Variants in BLM observed in about 807,000 individuals in gnomAD.
BLM encodes the protein BLM RecQ like helicase.
BLM carries 95 observed loss-of-function variants against 135.3 expected under a neutral mutation model. That is an observed-to-expected ratio of 0.70 (90% CI 0.59 to 0.83). The LOEUF is 0.83. Ranked by LOEUF, BLM falls within the 40% of genes least tolerant of loss-of-function variation. The pLI, the probability that BLM is intolerant of heterozygous loss-of-function variation, is 0.00. For missense variants in BLM, 1,518 were observed against 1,663.9 expected (o/e 0.91, Z 1.53); for synonymous variants, 520 against 589.2 (o/e 0.88, Z 1.70).
intron 19 of BLM, among the ~76,000 whole-genome samples, chr15:90,806,396 G>A (rs113043713): frequency 0.016 from 2,470 of 151,968 alleles, 24 homozygotes; most frequent in Middle Eastern, 0.027. Context: ...TTGTAATCCC[G>A]GCTACTTGGG....
Position 90,769,429 on chromosome 15 carries a change from TC to T in BLM, c.2407-7del, listed in dbSNP as rs769184675. The T allele has an allele frequency of 1.3e-5, 21 of 1,614,044 alleles. No individual in the cohort carries two copies. In the African/African-American group the frequency reaches 2.7e-4, roughly 21 times the overall value. On this transcript the variant is annotated splice_polypyrimidine_tract_variant and splice_region_variant and intron_variant, in intron 11 of 21. Transcript: ENST00000355112. ...TAGTCTGAAAAGCAGTATTTTTTTT[TC>T]CAACTAGTGGGGACATGATTTTCGT...
rs200850440 is a variant in BLM at position 90,790,663 on chromosome 15, A to G, written c.2838A>G (p.Thr946=). 101 of 1,614,166 alleles carry G rather than the reference A, an allele frequency of 6.3e-5. 2 individuals are homozygous for G. In the Admixed American group the frequency reaches 1.2e-3, roughly 20 times the overall value. ...NQDGCQVICA[T]IAFGMGIDKP... is the part of the protein sequence containing the mutation. ...TTTTATATCAGGTTATCTGTGCTAC[A>G]ATTGCATTTGGAATGGGGATTGACA... The change falls in exon 15 of 22, where the codon ACA becomes ACG. Residue 946 remains threonine, a synonymous_variant. Transcript: ENST00000355112.
intron 2 of BLM, 140 bp from the exon 3 acceptor site, chr15:90,749,227 A>C (rs1329356428): frequency 3.1e-6 from 2 of 642,708 alleles, no homozygotes; most frequent in Non-Finnish European, 5.3e-6. Flanking sequence ...ATAAATTTAA[A>C]ATCGAGAGAG....
At chr15:90,788,454 C>T (rs1896808012) in intron 14 of BLM, among the ~76,000 whole-genome samples, 1 of 148,288 alleles carries the variant, frequency 6.7e-6, no homozygotes, top group Non-Finnish European at 1.5e-5. Flanking sequence ...TATATTTAAC[C>T]CAAATGCCAG....
chr15:90,751,515 A>T (rs779124524), intron 3 of BLM, among the ~76,000 whole-genome samples: 2 of 152,272 alleles, frequency 1.3e-5, no homozygotes, highest in African/African-American at 2.4e-5. Flanking sequence ...AATAGCAAAT[A>T]CGTGTTTCGT....
At chr15:90,807,704 A>G (rs56742304) in intron 19 of BLM, among the ~76,000 whole-genome samples, 1 of 152,128 alleles carries the variant, frequency 6.6e-6, no homozygotes, top group East Asian at 1.9e-4. Flanking sequence ...TCAGCCAGAT[A>G]GTGCTTTTCT....
At chr15:90,728,674 G>T (rs894679244) in intron 1 of BLM, among the ~76,000 whole-genome samples, 3 of 152,028 alleles carry the variant, frequency 2.0e-5, no homozygotes, top group Non-Finnish European at 4.4e-5. Context: ...CCAAAGTGCT[G>T]AGATTACAGG....
intron 15 of BLM, among the ~76,000 whole-genome samples, chr15:90,791,687 G>T (rs561417669): frequency 6.6e-6 from 1 of 151,700 alleles, no homozygotes; most frequent in South Asian, 2.1e-4. Context: ...CACCCAGGCT[G>T]CAGTGCAGTG....
At chr15:90,775,993 T>C (rs980902459) in intron 12 of BLM, among the ~76,000 whole-genome samples, 33 of 152,216 alleles carry the variant, frequency 2.2e-4, no homozygotes, top group Non-Finnish European at 4.4e-4. Flanking sequence ...CTAGGACTTT[T>C]GTTGTTCACT....
intron 14 of BLM, among the ~76,000 whole-genome samples, chr15:90,788,612 G>T (rs1461694202): frequency 1.3e-5 from 2 of 150,954 alleles, no homozygotes; most frequent in Non-Finnish European, 2.9e-5. Flanking sequence ...ACACTAGTTT[G>T]CAGTACATTA....
intron 1 of BLM, among the ~76,000 whole-genome samples, chr15:90,731,078 T>C (rs1013857929): frequency 1.3e-5 from 2 of 152,104 alleles, no homozygotes; most frequent in African/African-American, 4.8e-5. Flanking sequence ...TAGCTGGGAC[T>C]ATAGGCAAGT....
At chr15:90,751,586 A>G (rs1219524153) in intron 3 of BLM, among the ~76,000 whole-genome samples, 1 of 152,240 alleles carries the variant, frequency 6.6e-6, no homozygotes, top group Non-Finnish European at 1.5e-5. Flanking sequence ...TCGAGCATTC[A>G]CTGGACTTAA....
At chr15:90,759,630 A>G (rs1895908541) in intron 5 of BLM, among the ~76,000 whole-genome samples, 1 of 151,406 alleles carries the variant, frequency 6.6e-6, no homozygotes. Context: ...TTGTGAGACA[A>G]AGTCTCACTT....
chr15:90,745,791 ACAGCTGGCTAC>A (rs1895486144), intron 1 of BLM, among the ~76,000 whole-genome samples: 1 of 152,148 alleles, frequency 6.6e-6, no homozygotes, highest in African/African-American at 2.4e-5. Flanking sequence ...TAAAAGTCTT[ACAGCTGGCTAC>A]GCATGGCTCA....
At chr15:90,765,467 G>A in intron 9 of BLM, 53 bp downstream of exon 9, 1 of 1,347,080 alleles carries the variant, frequency 7.4e-7, no homozygotes. Flanking sequence ...TTAAATTTCA[G>A]TCCTCTGGAT....
chr15:90,795,259 A>G (rs1341696821), intron 16 of BLM, among the ~76,000 whole-genome samples: 1 of 152,124 alleles, frequency 6.6e-6, no homozygotes, highest in African/African-American at 2.4e-5. Flanking sequence ...CAGGAGGATC[A>G]CCTGAGGTCA....
intron 1 of BLM, among the ~76,000 whole-genome samples, chr15:90,728,468 C>T (rs1389406941): frequency 1.3e-5 from 2 of 152,210 alleles, no homozygotes; most frequent in African/African-American, 4.8e-5. Flanking sequence ...GTGATCTCAG[C>T]TCACCGCAAC....
At chr15:90,769,021 C>T (rs889796696) in intron 10 of BLM, 112 bp from the exon 11 acceptor site, 32 of 969,912 alleles carry the variant, frequency 3.3e-5, no homozygotes, top group Non-Finnish European at 5.2e-5. Flanking sequence ...CCACCGCACC[C>T]GGCCTTATAG....
chr15:90,804,524 C>T (rs1433484328), intron 19 of BLM, among the ~76,000 whole-genome samples, 165 bp downstream of exon 19: 2 of 152,080 alleles, frequency 1.3e-5, no homozygotes, highest in South Asian at 2.1e-4. Context: ...AGTGCTGTGG[C>T]ATGATCATGA....
Sources: allele counts gnomAD v4.1 joint callset (sites outside exome capture counted in the v4.1 genomes callset), GRCh38; gene constraint gnomAD v4.1.1; transcripts MANE v1.5; gene names NCBI Gene and HGNC (gene_info 2026-07-23, HGNC 2026-07-21).